The following ELMO1 variants were observed in gnomAD, a reference collection of about 807,000 sequenced individuals.
ELMO1 encodes engulfment and cell motility 1, also known as engulfment and cell motility protein 1.
Under a neutral mutation model 98.9 loss-of-function variants are expected in ELMO1, and 26 were observed. The observed-to-expected ratio is 0.26, with a 90% CI of 0.19 to 0.36. The LOEUF (loss-of-function observed/expected upper bound fraction) is 0.36. Ranked by LOEUF, ELMO1 falls within the 10% of genes least tolerant of loss-of-function variation. The pLI is 1.00. For missense variants in ELMO1, 627 were observed against 935.2 expected, an observed-to-expected ratio of 0.67 and a Z score of 4.30; for synonymous variants, 346 against 346.0, an observed-to-expected ratio of 1.00 and a Z score of 0.00.
chr7:36,897,350 GAAAGAGTGTTAA>G (rs1271439802), intron 16 of ELMO1, among the ~76,000 whole-genome samples: 1 of 132,118 alleles, frequency 7.6e-6, no homozygotes, highest in African/African-American at 3.0e-5. Context: ...GTGTGTGTGT[GAAAGAGTGTTAA>G]TGGTTAAGCC....
intron 16 of ELMO1, among the ~76,000 whole-genome samples, chr7:36,983,325 G>A (rs187658127): frequency 8.5e-5 from 13 of 152,188 alleles, no homozygotes; most frequent in African/African-American, 2.7e-4. Context: ...CCCAAATGGC[G>A]TTATTAATAA....
chr7:37,117,233 G>C (rs547283120), intron 14 of ELMO1: 1 of 155,678 alleles, frequency 6.4e-6, no homozygotes, highest in South Asian at 2.0e-4. Flanking sequence ...CTGAGACAAC[G>C]GCAAACAAAC....
intron 16 of ELMO1, among the ~76,000 whole-genome samples, chr7:36,940,215 AG>A (rs1786912107): frequency 6.6e-6 from 1 of 152,268 alleles, no homozygotes; most frequent in Admixed American, 6.5e-5. Flanking sequence ...AATTAACCCA[AG>A]CTTAACAAGG....
chr7:37,349,142 T>C (rs1801144171), intron 1 of ELMO1, among the ~76,000 whole-genome samples: 1 of 152,200 alleles, frequency 6.6e-6, no homozygotes, highest in South Asian at 2.1e-4. Context: ...ACCAAACAGC[T>C]GGAGAAACGA....
chr7:36,943,874 C>T (rs770861240), intron 16 of ELMO1, among the ~76,000 whole-genome samples: 1 of 152,168 alleles, frequency 6.6e-6, no homozygotes, highest in Non-Finnish European at 1.5e-5. Context: ...CTAACTTCTG[C>T]TCTGAGGGTG....
intron 16 of ELMO1, among the ~76,000 whole-genome samples, chr7:36,948,816 T>C (rs1787728979): frequency 6.6e-6 from 1 of 152,176 alleles, no homozygotes; most frequent in Admixed American, 6.5e-5. Flanking sequence ...GCAGAGCCTC[T>C]AGGATATGCT....
chr7:37,148,535 T>C (rs538190831), intron 13 of ELMO1, among the ~76,000 whole-genome samples: 6 of 152,208 alleles, frequency 3.9e-5, no homozygotes, highest in Non-Finnish European at 7.3e-5. Flanking sequence ...CATATTTTAT[T>C]TGGTATGTTG....
chr7:36,970,676 GACC>G (rs1217034804), intron 16 of ELMO1, among the ~76,000 whole-genome samples: 1 of 152,172 alleles, frequency 6.6e-6, no homozygotes, highest in Admixed American at 6.5e-5. Flanking sequence ...GTGACAAAAT[GACC>G]ACACTTTTAC....
chr7:37,032,016 C>T (rs543895865), intron 15 of ELMO1, among the ~76,000 whole-genome samples: 9 of 152,268 alleles, frequency 5.9e-5, no homozygotes, highest in South Asian at 4.1e-4. Flanking sequence ...CCAGGAAGCG[C>T]GCCCTTCCAG....
intron 14 of ELMO1, among the ~76,000 whole-genome samples, chr7:37,124,756 G>A (rs898108932): frequency 6.6e-6 from 1 of 150,928 alleles, no homozygotes; most frequent in Non-Finnish European, 1.5e-5. Context: ...AGCTACCAAT[G>A]ACTTTCTTCA....
At chr7:37,148,748 AT>A (rs1422261445) in intron 13 of ELMO1, among the ~76,000 whole-genome samples, 3 of 152,226 alleles carry the variant, frequency 2.0e-5, no homozygotes, top group Non-Finnish European at 1.5e-5. Context: ...TCCAGATATC[AT>A]GGCTCATTCT....
intron 15 of ELMO1, among the ~76,000 whole-genome samples, chr7:37,089,629 A>C (rs753865295): frequency 6.6e-6 from 1 of 152,206 alleles, no homozygotes; most frequent in African/African-American, 2.4e-5. Flanking sequence ...ATTTTTCTGC[A>C]ATCTTTGATA....
At chr7:37,248,002 A>G (rs1480754320) in intron 6 of ELMO1, among the ~76,000 whole-genome samples, 3 of 151,122 alleles carry the variant, frequency 2.0e-5, no homozygotes, top group South Asian at 4.2e-4. Flanking sequence ...TGGTTTTTAT[A>G]TGAGTTCCGC....
chr7:36,904,640 T>G (rs1048862547), intron 16 of ELMO1, among the ~76,000 whole-genome samples: 1 of 152,140 alleles, frequency 6.6e-6, no homozygotes, highest in Non-Finnish European at 1.5e-5. Context: ...TGGGTAAAAA[T>G]AAATAAGCAA....
intron 13 of ELMO1, among the ~76,000 whole-genome samples, chr7:37,178,355 C>A (rs1456985459): frequency 6.6e-6 from 1 of 151,704 alleles, no homozygotes; most frequent in South Asian, 2.1e-4. Context: ...GGAGAAACTG[C>A]CCCCATGATT....
chr7:37,051,500 C>T (rs1796108455), intron 15 of ELMO1, among the ~76,000 whole-genome samples: 1 of 152,080 alleles, frequency 6.6e-6, no homozygotes, highest in Non-Finnish European at 1.5e-5. Context: ...CAGAATCTCA[C>T]CTGATGAATT....
At chr7:36,959,672 G>A (rs1788775218) in intron 16 of ELMO1, among the ~76,000 whole-genome samples, 1 of 152,178 alleles carries the variant, frequency 6.6e-6, no homozygotes, top group East Asian at 1.9e-4. Flanking sequence ...TTTTCAAAAA[G>A]TTTCTCTAAT....
intron 13 of ELMO1, among the ~76,000 whole-genome samples, chr7:37,193,756 C>T (rs951670005): frequency 3.9e-5 from 6 of 152,090 alleles, no homozygotes; most frequent in Admixed American, 6.5e-5. Context: ...CCCTGCGTGG[C>T]GGGCCATCCT....
chr7:37,215,059 T>C (rs1793203587), intron 11 of ELMO1, among the ~76,000 whole-genome samples: 1 of 152,202 alleles, frequency 6.6e-6, no homozygotes, highest in South Asian at 2.1e-4. Flanking sequence ...CTTCTGCACT[T>C]CCAAAACCAC....
Sources: gnomAD v4.1 joint callset for allele counts (sites outside exome capture counted in the v4.1 genomes callset) on GRCh38, gnomAD v4.1.1 for gene constraint, MANE v1.5 for transcripts, NCBI Gene and HGNC (gene_info 2026-07-23, HGNC 2026-07-21) for gene names.